EVC2: variants seen among roughly 807,000 people sequenced by gnomAD.
EVC2 encodes EvC ciliary complex subunit 2.
Under a neutral mutation model 149.3 loss-of-function variants are expected in EVC2, and 148 were observed. That is an observed-to-expected ratio of 0.99 (90% confidence interval 0.87 to 1.14). The LOEUF (loss-of-function observed/expected upper bound fraction) is 1.14, where lower values mean the gene tolerates loss of function less well. Ranked by LOEUF, EVC2 falls within the 50% of genes most tolerant of loss-of-function variation. The pLI, the probability that EVC2 is intolerant of heterozygous loss-of-function variation, is 0.00. For synonymous variants in EVC2, 776 were observed against 649.9 expected (o/e 1.19, Z -2.95); for missense variants, 1,854 against 1,627.3 (o/e 1.14, Z -2.40).
chr4:5,624,395 C>G (rs1039918594), intron 13 of EVC2, among the ~76,000 whole-genome samples: 8 of 152,314 alleles, frequency 5.3e-5, no homozygotes, highest in African/African-American at 1.7e-4. Context: ...CTACCATAAC[C>G]CATGTTCATG....
chr4:5,578,108 T>C (rs1723045614), intron 17 of EVC2, among the ~76,000 whole-genome samples: 1 of 152,198 alleles, frequency 6.6e-6, no homozygotes, highest in Non-Finnish European at 1.5e-5. Flanking sequence ...CCCTTACACC[T>C]GCCTGCCACC....
chr4:5,565,271 T>G lies in EVC2; in HGVS notation c.3646A>C (p.Lys1216Gln), dbSNP rs760612645. Residue 1216 changes from lysine (K) to glutamine (Q), a missense_variant, in exon 21 of 22, where the codon AAG (lysine) becomes CAG (glutamine). Lys to Gln is a moderately conservative substitution (Grantham distance 53, BLOSUM62 1). Transcript: ENST00000344408. ...RGLEKMLWAR[K>Q]RKQSILKKTC... Reference sequence around the variant, plus strand: ...GCCCATCATTACCTCTGCTTTCTCTTGCGGGCCCACAGCATCTTTTCTAAT... The same window carrying G: ...GCCCATCATTACCTCTGCTTTCTCTGGCGGGCCCACAGCATCTTTTCTAAT... 13 of 1,613,836 alleles carry G rather than the reference T, an allele frequency of 8.1e-6. No individual in the cohort carries two copies. Among genetic ancestry groups the G allele is most frequent in the Non-Finnish European group, 1.0e-5 (12 of 1,179,940 alleles).
intron 21 of EVC2, among the ~76,000 whole-genome samples, chr4:5,549,197 T>C (rs1216668446): frequency 5.3e-5 from 8 of 152,246 alleles, no homozygotes; most frequent in Non-Finnish European, 2.9e-5. Flanking sequence ...CAATATAATT[T>C]CATCAATAAT....
At chr4:5,634,907 C>T (rs1340124666) in intron 10 of EVC2, among the ~76,000 whole-genome samples, 1 of 152,130 alleles carries the variant, frequency 6.6e-6, no homozygotes, top group South Asian at 2.1e-4. Flanking sequence ...AGCCTCCACC[C>T]CGTCCACCAA....
intron 9 of EVC2, among the ~76,000 whole-genome samples, chr4:5,654,354 C>G (rs1381316353): frequency 1.3e-5 from 2 of 152,166 alleles, no homozygotes; most frequent in African/African-American, 2.4e-5. Flanking sequence ...TCAGAAGCTC[C>G]TCTTTTAGAG....
In EVC2 at chr4:5,696,161, G is replaced by A. The variant is rs1363022530; in HGVS notation, c.283+1432C>T. Among the ~76,000 whole-genome samples the A allele has an allele frequency of 6.6e-6, 1 of 152,136 alleles. No homozygotes were observed. The highest frequency in any genetic ancestry group is 1.5e-5 in the Non-Finnish European group (1 of 68,016). On this transcript the variant is annotated intron_variant, in intron 2 of 21. Coordinates refer to ENST00000344408, the MANE Select transcript of EVC2 (RefSeq NM_147127.5). The surrounding 1 kb of genome is among the most constrained non-coding windows in gnomAD (Gnocchi z 4.1). ...CTCCGGACCCCAGCACAGCACCCTGGGCCAGGGCACAAATGCTTGTGCAGC... is the reference window on the plus strand; with the variant it reads ...CTCCGGACCCCAGCACAGCACCCTGAGCCAGGGCACAAATGCTTGTGCAGC...
intron 21 of EVC2, among the ~76,000 whole-genome samples, chr4:5,553,897 A>G (rs1721785260): frequency 6.6e-6 from 1 of 152,230 alleles, no homozygotes; most frequent in African/African-American, 2.4e-5. Context: ...CATGCAAAGA[A>G]GCAGGAAAAG....
At chr4:5,584,454 T>C (rs1198441132) in intron 17 of EVC2, among the ~76,000 whole-genome samples, 169 bp downstream of exon 17, 1 of 152,080 alleles carries the variant, frequency 6.6e-6, no homozygotes, top group Non-Finnish European at 1.5e-5. Flanking sequence ...CCATCTTTGG[T>C]TGAGAGAGTG....
chr4:5,580,072 A>T (rs2108782881), intron 17 of EVC2, among the ~76,000 whole-genome samples: 1 of 152,320 alleles, frequency 6.6e-6, no homozygotes, highest in South Asian at 2.1e-4. Flanking sequence ...CTTTCATCAG[A>T]TGAGGTGCAC....
At chr4:5,577,612 C>T (rs971184919) in intron 17 of EVC2, among the ~76,000 whole-genome samples, 1 of 152,038 alleles carries the variant, frequency 6.6e-6, no homozygotes, top group Non-Finnish European at 1.5e-5. Flanking sequence ...GTCTCAAAGC[C>T]CCCTAAAGAC....
At chr4:5,547,621 CAG>C (rs1241132324) in intron 21 of EVC2, among the ~76,000 whole-genome samples, 11 of 152,304 alleles carry the variant, frequency 7.2e-5, no homozygotes, top group African/African-American at 2.4e-4. Flanking sequence ...TGACCAGCTG[CAG>C]AGAGGAGCTA....
At chr4:5,539,873 C>T (rs1721484997), downstream of EVC2, among the ~76,000 whole-genome samples, 1 of 152,020 alleles carries the variant, frequency 6.6e-6, no homozygotes, top group Non-Finnish European at 1.5e-5. Context: ...AAAAAGTTGA[C>T]AAATTGGACT....
intron 2 of EVC2, among the ~76,000 whole-genome samples, chr4:5,695,543 T>A (rs947080251): frequency 6.6e-6 from 1 of 152,154 alleles, no homozygotes; most frequent in Non-Finnish European, 1.5e-5. Context: ...CTTGCACAGG[T>A]CAGCTGAGTT....
chr4:5,619,743 T>A (rs1346271053), intron 14 of EVC2, among the ~76,000 whole-genome samples: 1 of 152,184 alleles, frequency 6.6e-6, no homozygotes, highest in Non-Finnish European at 1.5e-5. Context: ...CAGCCCACTC[T>A]AATGGAGAGA....
chr4:5,634,438 T>A (rs1272562427), intron 10 of EVC2, among the ~76,000 whole-genome samples: 1 of 152,150 alleles, frequency 6.6e-6, no homozygotes, highest in Non-Finnish European at 1.5e-5. Flanking sequence ...ATTTGACAAG[T>A]CCCAAACTTC....
At chr4:5,531,090 C>G in the EVC2 span, among the ~76,000 whole-genome samples, 11 of 152,252 alleles carry the variant, frequency 7.2e-5, no homozygotes, top group African/African-American at 1.7e-4. Context: ...GCAGAGGAGC[C>G]TGGAGCATGT....
Position 5,576,353 on chromosome 4 carries a change from A to T in EVC2, c.3159T>A (p.Asp1053Glu), listed in dbSNP as rs777020546. The change falls in exon 18 of 22, where the codon GAT (aspartate) becomes GAA (glutamate). Residue 1053 changes from aspartate (D) to glutamate (E), a missense_variant. By Grantham distance (45) the Asp-to-Glu change is conservative. Transcript: ENST00000344408. The surrounding 1 kb of genome is among the most constrained non-coding windows in gnomAD (Gnocchi z 4.5). ...ALASWQQWVA[D>E]GPGILNEPGE... ...CAGGTTCGTTCAGAATCCCGGGCCC[A>T]TCGGCCACCCACTGCTGCCAGCTCG... 1.9e-6 allele frequency: 3 copies of T among 1,614,198 alleles called. No individual in the cohort carries two copies. The highest frequency in any genetic ancestry group is 2.5e-6 in the Non-Finnish European group (3 of 1,180,026).
chr4:5,554,225 C>A (rs1025304230), intron 21 of EVC2, among the ~76,000 whole-genome samples: 3 of 152,142 alleles, frequency 2.0e-5, no homozygotes, highest in Non-Finnish European at 4.4e-5. Flanking sequence ...AAGCCAACCA[C>A]TACCTCCAAA....
chr4:5,536,981 A>G, the EVC2 span, among the ~76,000 whole-genome samples: 3 of 152,316 alleles, frequency 2.0e-5, no homozygotes, highest in Admixed American at 6.5e-5. Context: ...GTAGTCTAAG[A>G]CTGTCAACAA....
Sources: allele counts gnomAD v4.1 joint callset (sites outside exome capture counted in the v4.1 genomes callset), GRCh38; gene constraint gnomAD v4.1.1; non-coding constraint Gnocchi (gnomAD v3.1); transcripts MANE v1.5; gene names NCBI Gene and HGNC (gene_info 2026-07-23, HGNC 2026-07-21).